Variants in PHACTR1 observed in about 807,000 individuals in gnomAD.
The protein encoded by PHACTR1 is RPEL repeat containing 1.
Under a neutral mutation model 69.2 loss-of-function variants are expected in PHACTR1, and 16 were observed. The observed-to-expected ratio is 0.23, with a 90% confidence interval of 0.16 to 0.35. PHACTR1 has a LOEUF of 0.35. Ranked by LOEUF, PHACTR1 falls within the 10% of genes least tolerant of loss-of-function variation. PHACTR1 has a pLI of 1.00. For synonymous variants in PHACTR1, 312 were observed against 284.5 expected (o/e 1.10, Z -0.97); for missense variants, 510 against 734.7 (o/e 0.69, Z 3.54).
intron 5 of PHACTR1, among the ~76,000 whole-genome samples, chr6:13,056,879 T>C (rs780082280): frequency 2.6e-5 from 4 of 152,134 alleles, no homozygotes; most frequent in Admixed American, 6.5e-5. Flanking sequence ...ATGAGAATTA[T>C]CTGATATTGA....
At chr6:12,865,575 A>T (rs1242114343) in intron 4 of PHACTR1, among the ~76,000 whole-genome samples, 2 of 152,020 alleles carry the variant, frequency 1.3e-5, no homozygotes, top group East Asian at 3.9e-4. Flanking sequence ...TTTGTACACT[A>T]TTCCTATAGG....
rs138237373 is a variant in PHACTR1 at position 12,820,213 on chromosome 6, G to A, written c.250+70423G>A. Among the ~76,000 whole-genome samples the A allele has an allele frequency of 9.8e-4, 149 of 152,088 alleles. No individual in the cohort carries two copies. In the East Asian group the frequency reaches 0.015, roughly 15 times the overall value. On this transcript the variant is annotated intron_variant, in intron 4 of 14. Transcript: ENST00000332995. ...GTTTTGTTTTTTGAGATAGAGTCTC[G>A]CTCTGTTGCCAAGGCTGGAGTGCGG...
At chr6:12,752,807 CAA>C (rs1024937308) in intron 4 of PHACTR1, among the ~76,000 whole-genome samples, 10 of 151,948 alleles carry the variant, frequency 6.6e-5, no homozygotes, top group Non-Finnish European at 1.0e-4. Flanking sequence ...GCAAGTCAGT[CAA>C]AGAATAGCAC....
At chr6:13,257,924 G>A (rs553617731) in intron 10 of PHACTR1, among the ~76,000 whole-genome samples, 3 of 152,240 alleles carry the variant, frequency 2.0e-5, no homozygotes, top group African/African-American at 4.8e-5. Context: ...CAGTAGCTCC[G>A]GAGCCCAGTG....
intron 5 of PHACTR1, among the ~76,000 whole-genome samples, chr6:13,121,642 T>G (rs1818750696): frequency 6.6e-6 from 1 of 152,182 alleles, no homozygotes; most frequent in Admixed American, 6.5e-5. Context: ...TGAAAGGGAC[T>G]CAAGGTACAT....
At chr6:13,213,519 C>G (rs1457020454) in intron 8 of PHACTR1, among the ~76,000 whole-genome samples, 1 of 152,192 alleles carries the variant, frequency 6.6e-6, no homozygotes, top group Non-Finnish European at 1.5e-5. Context: ...TGGATGGGAA[C>G]CATCCTTGTC....
intron 4 of PHACTR1, among the ~76,000 whole-genome samples, chr6:12,853,830 G>T (rs2127762372): frequency 6.6e-6 from 1 of 152,292 alleles, no homozygotes; most frequent in Non-Finnish European, 1.5e-5. Flanking sequence ...GGGATTATGG[G>T]AGCTGTATAC....
chr6:13,014,091 A>C (rs1412990228), intron 4 of PHACTR1, among the ~76,000 whole-genome samples: 1 of 152,076 alleles, frequency 6.6e-6, no homozygotes, highest in Non-Finnish European at 1.5e-5. Context: ...AGGCAAGGAG[A>C]TCAAACACAT....
chr6:12,775,751 A>G (rs2127634459), intron 4 of PHACTR1, among the ~76,000 whole-genome samples: 1 of 152,318 alleles, frequency 6.6e-6, no homozygotes, highest in East Asian at 1.9e-4. Flanking sequence ...TCACATTCCA[A>G]GAGTCTCTCC....
chr6:13,027,669 C>G (rs1199706843), intron 4 of PHACTR1, among the ~76,000 whole-genome samples: 1 of 123,988 alleles, frequency 8.1e-6, no homozygotes, highest in Non-Finnish European at 1.8e-5. Context: ...AGGATGGTAA[C>G]AATAATATGT....
intron 4 of PHACTR1, among the ~76,000 whole-genome samples, chr6:12,806,053 A>C (rs1459455534): frequency 6.6e-6 from 1 of 152,030 alleles, no homozygotes; most frequent in Non-Finnish European, 1.5e-5. Flanking sequence ...CCTTTTTCCC[A>C]AATATAGCTC....
chr6:13,073,388 G>T (rs1309523257), intron 5 of PHACTR1, among the ~76,000 whole-genome samples: 1 of 113,598 alleles, frequency 8.8e-6, no homozygotes, highest in Non-Finnish European at 1.6e-5. Flanking sequence ...CTGTCACCCA[G>T]GCTGGAGTGC....
At chr6:13,251,247 C>T (rs1020511773) in intron 10 of PHACTR1, among the ~76,000 whole-genome samples, 1 of 152,200 alleles carries the variant, frequency 6.6e-6, no homozygotes. Context: ...GGCGGGCGCT[C>T]TCCTAGAAGG....
chr6:12,795,987 A>G (rs1561890050), intron 4 of PHACTR1, among the ~76,000 whole-genome samples: 2 of 152,322 alleles, frequency 1.3e-5, no homozygotes, highest in East Asian at 3.9e-4. Flanking sequence ...AATTTTCAAC[A>G]TATACATCTG....
chr6:13,133,345 C>T (rs11964894), intron 5 of PHACTR1, among the ~76,000 whole-genome samples: 8,081 of 150,804 alleles, frequency 0.054, 525 homozygotes, highest in African/African-American at 0.15. Flanking sequence ...TGATGCCAAA[C>T]GGAGGCCGGA....
At chr6:13,054,922 T>C (rs1359818742) in intron 5 of PHACTR1, among the ~76,000 whole-genome samples, 1 of 152,202 alleles carries the variant, frequency 6.6e-6, no homozygotes, top group East Asian at 1.9e-4. Context: ...TCTCGCCTGC[T>C]CAGAATCATC....
intron 3 of PHACTR1, among the ~76,000 whole-genome samples, chr6:12,730,986 T>TTTTTTTTATTTA (rs1554129536): frequency 1.4e-5 from 2 of 137,996 alleles, no homozygotes; most frequent in East Asian, 2.1e-4. Flanking sequence ...ATATTACCTT[T>TTTTTTTTATTTA]TTTATTTATT....
Position 12,901,785 on chromosome 6 carries a change from C to T in PHACTR1, c.251-151580C>T, listed in dbSNP as rs889294955. 5.9e-5 allele frequency among the ~76,000 whole-genome samples: 9 copies of T among 152,270 alleles called. No individual in the cohort carries two copies. In the East Asian group the frequency reaches 1.2e-3, roughly 20 times the overall value. On this transcript the variant is annotated intron_variant, in intron 4 of 14. Transcript: ENST00000332995. ...TGCTGAGATTACAGGGGTGAGCCAC[C>T]GCACCTGGCCCAAGCGTTTTTATAT...
chr6:12,900,003 A>G (rs1382662305), intron 4 of PHACTR1, among the ~76,000 whole-genome samples: 1 of 151,890 alleles, frequency 6.6e-6, no homozygotes, highest in Non-Finnish European at 1.5e-5. Flanking sequence ...AAGCTAGGGG[A>G]CCTCCTCTGT....
Sources: allele counts gnomAD v4.1 joint callset (sites outside exome capture counted in the v4.1 genomes callset), GRCh38; gene constraint gnomAD v4.1.1; transcripts MANE v1.5; gene names NCBI Gene and HGNC (gene_info 2026-07-23, HGNC 2026-07-21).